The following SLF1 variants were observed in gnomAD, a reference collection of about 807,000 sequenced individuals.
The protein encoded by SLF1 is SMC5-SMC6 complex localization factor protein 1.
A neutral mutation model predicts 123.0 loss-of-function variants in SLF1; 105 were observed. That is an observed-to-expected ratio of 0.85 (90% CI 0.73 to 1.00). The LOEUF (loss-of-function observed/expected upper bound fraction) is 1.00, where lower values mean the gene tolerates loss of function less well. Ranked by LOEUF, SLF1 falls within the 50% of genes least tolerant of loss-of-function variation. The pLI is 0.00. For synonymous variants in SLF1, 434 were observed against 406.6 expected (o/e 1.07, Z -0.81); for missense variants, 1,239 against 1,223.0 (o/e 1.01, Z -0.20).
intron 1 of SLF1, among the ~76,000 whole-genome samples, chr5:94,627,585 C>CATATATATATATATATATATATAT (rs58847356): frequency 2.3e-5 from 2 of 86,822 alleles, no homozygotes; most frequent in Admixed American, 1.2e-4. Context: ...ATGAAATTAA[C>CATATATATATATATATATATATAT]ATATATATAT....
intron 15 of SLF1, among the ~76,000 whole-genome samples, chr5:94,684,096 CT>C (rs1320721215): frequency 6.6e-6 from 1 of 152,014 alleles, no homozygotes; most frequent in East Asian, 1.9e-4. Context: ...AGATGTGATC[CT>C]TATTAGATAA....
chr5:94,650,706 A>C (rs1053088963), intron 6 of SLF1, among the ~76,000 whole-genome samples: 7 of 151,920 alleles, frequency 4.6e-5, no homozygotes, highest in Admixed American at 2.0e-4. Context: ...ATATTTTTGC[A>C]TTTTTTTCTG....
chr5:94,636,634 A>G (rs528296966), intron 4 of SLF1, among the ~76,000 whole-genome samples: 1 of 150,066 alleles, frequency 6.7e-6, no homozygotes, highest in African/African-American at 2.4e-5. Context: ...TTTCTTTGTC[A>G]GACTTCTTGT....
chr5:94,684,865 A>G (rs1430549056), intron 15 of SLF1, among the ~76,000 whole-genome samples: 1 of 152,220 alleles, frequency 6.6e-6, no homozygotes, highest in Admixed American at 6.5e-5. Context: ...AAGCTGCCAC[A>G]AGGCAAGGGC....
intron 9 of SLF1, among the ~76,000 whole-genome samples, chr5:94,658,543 G>A (rs1235984397): frequency 6.6e-6 from 1 of 151,778 alleles, no homozygotes; most frequent in Non-Finnish European, 1.5e-5. Context: ...CACCCTGATT[G>A]GGATTTCCTT....
At chr5:94,651,583 T>C (rs2152479091) in intron 6 of SLF1, 119 bp from the exon 7 acceptor site, 1 of 682,006 alleles carries the variant, frequency 1.5e-6, no homozygotes, top group East Asian at 3.5e-5. Flanking sequence ...TTTAACCTTG[T>C]ATGTATATTT....
chr5:94,686,537 A>G (rs766664794), intron 15 of SLF1, 36 bp from the exon 16 acceptor site: 48 of 1,605,894 alleles, frequency 3.0e-5, no homozygotes, highest in Non-Finnish European at 3.8e-5. Context: ...TATAGGATAC[A>G]GCAATAACTA....
intron 5 of SLF1, among the ~76,000 whole-genome samples, chr5:94,646,754 T>A (rs1209879675): frequency 1.3e-5 from 2 of 152,222 alleles, no homozygotes; most frequent in Admixed American, 1.3e-4. Flanking sequence ...ACATTTATAA[T>A]GTAGCACTGT....
At chr5:94,643,604 ATGAAT>A (rs1203917717) in intron 5 of SLF1, among the ~76,000 whole-genome samples, 169 bp downstream of exon 5, 88 of 152,276 alleles carry the variant, frequency 5.8e-4, no homozygotes, top group Admixed American at 1.1e-3. Flanking sequence ...TTAAATATTC[ATGAAT>A]ACTTCCTGTA....
intron 1 of SLF1, 47 bp from the exon 2 acceptor site, chr5:94,628,764 A>G: frequency 7.9e-7 from 1 of 1,272,840 alleles, no homozygotes; most frequent in East Asian, 2.6e-5. Context: ...AACCCTGTGA[A>G]TAATATCTTT....
At chr5:94,655,442 C>A (rs1249690241) in intron 9 of SLF1, among the ~76,000 whole-genome samples, 1 of 152,010 alleles carries the variant, frequency 6.6e-6, no homozygotes, top group East Asian at 1.9e-4. Flanking sequence ...GGGTCTTTTG[C>A]AGTTGTTTAC....
intron 20 of SLF1, among the ~76,000 whole-genome samples, chr5:94,694,473 G>A (rs1410499354): frequency 6.6e-6 from 1 of 151,756 alleles, no homozygotes; most frequent in Non-Finnish European, 1.5e-5. Context: ...TGAGGCTCTT[G>A]TATAGAATTT....
In SLF1 at chr5:94,695,884, T is replaced by G. The variant is rs1753484750; in HGVS notation, c.*572T>G. ...TTTACAGTAATAATTAATATTCTTTTGGTTTTTAAATGCAGCAAATATGCA... is the reference window on the plus strand; with the variant it reads ...TTTACAGTAATAATTAATATTCTTTGGGTTTTTAAATGCAGCAAATATGCA... On this transcript the variant is annotated 3_prime_UTR_variant, in exon 21 of 21. Coordinates refer to ENST00000265140, the MANE Select transcript of SLF1 (RefSeq NM_032290.4). The G allele has an allele frequency of 1.3e-5, 2 of 151,866 alleles. No individual in the cohort carries two copies. Among genetic ancestry groups the G allele is most frequent in the Non-Finnish European group, 2.9e-5 (2 of 67,854 alleles). The allele number at this position is 151,866 out of a possible 1,614,324, so 9.4% of individuals were successfully genotyped here.
intron 12 of SLF1, among the ~76,000 whole-genome samples, chr5:94,667,753 GTTTT>G (rs895531948): frequency 6.6e-6 from 1 of 151,720 alleles, no homozygotes; most frequent in Non-Finnish European, 1.5e-5. Flanking sequence ...TTGTTTGTTT[GTTTT>G]GTTTTGTTTT....
In SLF1 at chr5:94,649,564, A is replaced by G; in HGVS notation, c.705A>G (p.Lys235=). The G allele has an allele frequency of 1.3e-6, 2 of 1,538,244 alleles. No homozygotes were observed. Among genetic ancestry groups the G allele is most frequent in the African/African-American group, 2.7e-5 (2 of 73,050 alleles). The part of the protein sequence containing the change: ...FRKDAGFLEM[K]GALRETMYRT... The stretch of plus-strand genomic sequence containing the variant: ...AAGATGCAGGATTTCTTGAAATGAA[A>G]GGTGCCTTAAGAGAGACCATGTATA... The change falls in exon 6 of 21, where the codon AAA becomes AAG. Residue 235 remains lysine, a synonymous_variant. Coordinates refer to ENST00000265140, the MANE Select transcript of SLF1 (RefSeq NM_032290.4).
chr5:94,694,131 C>T (rs1753333930), intron 20 of SLF1, among the ~76,000 whole-genome samples: 1 of 151,910 alleles, frequency 6.6e-6, no homozygotes, highest in African/African-American at 2.4e-5. Context: ...TACTCCTATA[C>T]TTTGCTATGT....
intron 5 of SLF1, among the ~76,000 whole-genome samples, chr5:94,645,798 T>A (rs1307375036): frequency 6.6e-6 from 1 of 152,180 alleles, no homozygotes; most frequent in Non-Finnish European, 1.5e-5. Context: ...CCAATCCAAA[T>A]AAGGAAGGCA....
intron 14 of SLF1, 42 bp from the exon 15 acceptor site, chr5:94,678,766 A>G: frequency 1.3e-6 from 2 of 1,500,384 alleles, no homozygotes; most frequent in East Asian, 2.5e-5. Flanking sequence ...GAAATTCAAT[A>G]TTGTAATATA....
intron 14 of SLF1, among the ~76,000 whole-genome samples, chr5:94,677,036 T>C (rs192107147): frequency 1.3e-3 from 192 of 152,314 alleles, no homozygotes; most frequent in Non-Finnish European, 2.3e-3. Flanking sequence ...GTCTGTAATA[T>C]ATAACTCTAA....
Sources: allele counts gnomAD v4.1 joint callset (sites outside exome capture counted in the v4.1 genomes callset), GRCh38; gene constraint gnomAD v4.1.1; transcripts MANE v1.5; gene names NCBI Gene and HGNC (gene_info 2026-07-23, HGNC 2026-07-21).